The following C12orf54 variants were observed in gnomAD, a reference collection of about 807,000 sequenced individuals.
C12orf54 encodes the protein chromosome 12 open reading frame 54.
A neutral mutation model predicts 26.4 loss-of-function variants in C12orf54; 24 were observed. That is an observed-to-expected ratio of 0.91 (90% CI 0.66 to 1.28). The LOEUF is 1.28. C12orf54 is among the 50% of genes most tolerant of loss of function. C12orf54 has a pLI of 0.00. For missense variants in C12orf54, 154 were observed against 150.9 expected, an observed-to-expected ratio of 1.02 and a Z score of -0.11; for synonymous variants, 54 against 47.0, an observed-to-expected ratio of 1.15 and a Z score of -0.61.
the C12orf54 span, among the ~76,000 whole-genome samples, chr12:48,474,275 C>T: frequency 6.6e-6 from 1 of 152,198 alleles, no homozygotes; most frequent in Non-Finnish European, 1.5e-5. Flanking sequence ...GCCAAGATGG[C>T]CGAATGGGAA....
chr12:48,436,703 C>G, the C12orf54 span, among the ~76,000 whole-genome samples: 1 of 152,216 alleles, frequency 6.6e-6, no homozygotes, highest in East Asian at 1.9e-4. Context: ...TTCTTTGAAA[C>G]CAACTAGAAA....
the C12orf54 span, among the ~76,000 whole-genome samples, chr12:48,446,104 A>C: frequency 6.6e-6 from 1 of 152,164 alleles, no homozygotes; most frequent in Non-Finnish European, 1.5e-5. Flanking sequence ...CCTGGTGCAC[A>C]ATGTATCCTG....
At chr12:48,424,350 G>T in the C12orf54 span, among the ~76,000 whole-genome samples, 1 of 152,222 alleles carries the variant, frequency 6.6e-6, no homozygotes, top group East Asian at 1.9e-4. Context: ...AGAGTCCCAA[G>T]AAGTGAATTA....
chr12:48,480,973 C>A (rs1394825801), upstream of C12orf54, among the ~76,000 whole-genome samples: 1 of 152,072 alleles, frequency 6.6e-6, no homozygotes, highest in African/African-American at 2.4e-5. Flanking sequence ...AAACAGAAAA[C>A]CAAATACCAC....
chr12:48,486,488 C>T lies in C12orf54; in HGVS notation c.97-200C>T, dbSNP rs1032527371. The T allele has an allele frequency of 9.4e-6, 6 of 640,788 alleles. No individual in the cohort carries two copies. In the African/African-American group the frequency reaches 1.1e-4, roughly 12 times the overall value. 39.7% of individuals were successfully genotyped at this position (640,788 alleles called of 1,614,324 possible). On this transcript the variant is annotated intron_variant, in intron 3 of 8. Coordinates refer to ENST00000548364, the MANE Select transcript of C12orf54 (RefSeq NM_152319.4). ...TGTACCTGTCATGCACCAGCTAGAT[C>T]CAGAGCGAAGCAGGATATATGGGAT... is the stretch of plus-strand genomic sequence containing the variant.
the C12orf54 span, among the ~76,000 whole-genome samples, chr12:48,423,976 A>T: frequency 1.3e-5 from 2 of 152,186 alleles, no homozygotes; most frequent in East Asian, 1.9e-4. Flanking sequence ...GTTAATTTTT[A>T]AAATATATAT....
At chr12:48,469,770 A>G in the C12orf54 span, among the ~76,000 whole-genome samples, 1 of 152,240 alleles carries the variant, frequency 6.6e-6, no homozygotes, top group Admixed American at 6.5e-5. Flanking sequence ...ACAAATGTCC[A>G]TGAAATCTTC....
the C12orf54 span, among the ~76,000 whole-genome samples, chr12:48,474,635 G>A: frequency 0.15 from 22,483 of 152,176 alleles, 2,889 homozygotes; most frequent in East Asian, 0.66. Context: ...ACAGAGTCTC[G>A]CTCATTGCTA....
chr12:48,456,391 A>G, the C12orf54 span, among the ~76,000 whole-genome samples: 4 of 152,346 alleles, frequency 2.6e-5, 1 homozygote, highest in Admixed American at 2.6e-4. Flanking sequence ...TAGTTACAGG[A>G]AAGATACCAT....
chr12:48,448,858 A>T, the C12orf54 span, among the ~76,000 whole-genome samples: 6 of 152,224 alleles, frequency 3.9e-5, no homozygotes, highest in Admixed American at 6.5e-5. Flanking sequence ...GGATCCTGAG[A>T]ACATGTGCCC....
At chr12:48,461,465 T>TGA in the C12orf54 span, among the ~76,000 whole-genome samples, 1 of 151,884 alleles carries the variant, frequency 6.6e-6, no homozygotes, top group African/African-American at 2.4e-5. Context: ...GAATATTTTC[T>TGA]GAGAGAGACC....
At chr12:48,462,524 A>C in the C12orf54 span, among the ~76,000 whole-genome samples, 1 of 151,680 alleles carries the variant, frequency 6.6e-6, no homozygotes, top group African/African-American at 2.4e-5. Flanking sequence ...TGATATATAA[A>C]GAAGATAACA....
At chr12:48,447,588 T>C in the C12orf54 span, among the ~76,000 whole-genome samples, 2 of 152,284 alleles carry the variant, frequency 1.3e-5, no homozygotes, top group South Asian at 2.1e-4. Flanking sequence ...TATACCATTC[T>C]CTAATCTATT....
At chr12:48,487,988 CT>C in intron 4 of C12orf54, 1 of 811,094 alleles carries the variant, frequency 1.2e-6, no homozygotes, top group Non-Finnish European at 2.2e-6. Context: ...TTATGAACTC[CT>C]TTTTAAGGAG....
the C12orf54 span, among the ~76,000 whole-genome samples, chr12:48,437,536 CAA>C: frequency 6.6e-6 from 1 of 152,112 alleles, no homozygotes; most frequent in East Asian, 1.9e-4. Flanking sequence ...AGCAGCACAT[CAA>C]AAAGTTTATC....
intron 2 of C12orf54, among the ~76,000 whole-genome samples, chr12:48,485,822 G>C (rs1954254388): frequency 6.6e-6 from 1 of 152,208 alleles, no homozygotes; most frequent in Non-Finnish European, 1.5e-5. Context: ...TTCCAAAGAG[G>C]ACCTGGGAAG....
the C12orf54 span, among the ~76,000 whole-genome samples, chr12:48,413,447 C>G: frequency 6.6e-6 from 1 of 152,168 alleles, no homozygotes; most frequent in East Asian, 1.9e-4. Context: ...AGAGGGCGGT[C>G]CTGAGGCCAC....
At chr12:48,467,682 G>A in the C12orf54 span, among the ~76,000 whole-genome samples, 1 of 152,004 alleles carries the variant, frequency 6.6e-6, no homozygotes, top group Non-Finnish European at 1.5e-5. Flanking sequence ...GATTACCAAG[G>A]GGCCCAAGGA....
chr12:48,473,270 C>A, the C12orf54 span: 1 of 1,073,038 alleles, frequency 9.3e-7, no homozygotes, highest in South Asian at 1.3e-5. Context: ...AAGAGGAGGA[C>A]GTGAGTGGAG....
Sources: gnomAD v4.1 joint callset for allele counts (sites outside exome capture counted in the v4.1 genomes callset) on GRCh38, gnomAD v4.1.1 for gene constraint, MANE v1.5 for transcripts, NCBI Gene and HGNC (gene_info 2026-07-23, HGNC 2026-07-21) for gene names.